The following NPFFR2 variants were observed in gnomAD, a reference collection of about 807,000 sequenced individuals.
NPFFR2 encodes G-protein coupled receptor 74.
NPFFR2 carries 15 observed loss-of-function variants against 13.1 expected under a neutral mutation model. The observed-to-expected ratio is 1.15, with a 90% CI of 0.77 to 1.76. The LOEUF is 1.76. NPFFR2 is among the 40% of genes most tolerant of loss of function. The pLI is 0.00. For synonymous variants in NPFFR2, 190 were observed against 175.7 expected (o/e 1.08, Z -0.65); for missense variants, 572 against 503.5 (o/e 1.14, Z -1.30).
chr4:72,094,740 C>T (rs953947670), intron 1 of NPFFR2, among the ~76,000 whole-genome samples: 5 of 152,156 alleles, frequency 3.3e-5, no homozygotes, highest in African/African-American at 4.8e-5. Context: ...GGTTACAAGC[C>T]TCCTAGCTGA....
intron 3 of NPFFR2, among the ~76,000 whole-genome samples, chr4:72,145,114 A>G (rs1430236504): frequency 6.6e-6 from 1 of 151,790 alleles, no homozygotes; most frequent in African/African-American, 2.4e-5. Context: ...TTATATTTCC[A>G]TTGACTTTCT....
chr4:72,045,242 T>C (rs567711263), intron 1 of NPFFR2, among the ~76,000 whole-genome samples: 6 of 152,134 alleles, frequency 3.9e-5, no homozygotes, highest in Non-Finnish European at 7.4e-5. Flanking sequence ...AAATACACAG[T>C]AGTGAGATTG....
At chr4:72,074,353 C>CAAG (rs1044160294) in intron 1 of NPFFR2, among the ~76,000 whole-genome samples, 1 of 151,952 alleles carries the variant, frequency 6.6e-6, no homozygotes, top group Non-Finnish European at 1.5e-5. Context: ...CACTTCATCA[C>CAAG]AAGAAGAAGA....
chr4:72,132,216 AT>A (rs940919488), intron 2 of NPFFR2, among the ~76,000 whole-genome samples: 1 of 151,104 alleles, frequency 6.6e-6, no homozygotes, highest in African/African-American at 2.4e-5. Context: ...CTATCTCATC[AT>A]TAGCTCCCAC....
At chr4:72,137,690 C>G (rs1455634811) in intron 2 of NPFFR2, among the ~76,000 whole-genome samples, 1 of 152,112 alleles carries the variant, frequency 6.6e-6, no homozygotes. Context: ...ATGCTCCTAA[C>G]TAGCCGTGGC....
intron 3 of NPFFR2, among the ~76,000 whole-genome samples, chr4:72,142,688 C>T (rs1722668212): frequency 6.6e-6 from 1 of 152,108 alleles, no homozygotes; most frequent in African/African-American, 2.4e-5. Flanking sequence ...TAAAATTTCC[C>T]TATTTTTCAC....
At chr4:72,054,788 A>G (rs1438088796) in intron 1 of NPFFR2, among the ~76,000 whole-genome samples, 3 of 151,920 alleles carry the variant, frequency 2.0e-5, no homozygotes, top group Admixed American at 2.0e-4. Context: ...TAACTCAATG[A>G]GAATACAAAG....
intron 1 of NPFFR2, among the ~76,000 whole-genome samples, chr4:72,110,288 C>T (rs370025319): frequency 1.3e-5 from 2 of 151,940 alleles, no homozygotes; most frequent in East Asian, 3.9e-4. Context: ...TCCCCTTTTG[C>T]GATGATTGTA....
rs1264811113 is a variant in NPFFR2, at chr4:72,147,942, C to CA, written c.*137dup. The stretch of plus-strand genomic sequence containing the variant: ...AACATTTACTGAAAGCCCTCTCTGG[C>CA]AAAAAAATTAAAAATAAACAAAAAT... On this transcript the variant is annotated 3_prime_UTR_variant, in exon 4 of 4. Transcript: ENST00000308744. 3.4e-5 allele frequency: 23 copies of CA among 672,220 alleles called. No individual in the cohort carries two copies. The highest frequency in any genetic ancestry group is 3.2e-4 in the African/African-American group (17 of 53,952). The allele number at this position is 672,220 out of a possible 1,614,324, so 41.6% of individuals were successfully genotyped here.
chr4:72,074,745 GA>G (rs891100206), intron 1 of NPFFR2, among the ~76,000 whole-genome samples: 4 of 151,812 alleles, frequency 2.6e-5, no homozygotes, highest in South Asian at 4.1e-4. Flanking sequence ...AAAATAGATG[GA>G]AAAAAACATG....
chr4:72,077,581 C>T (rs1720484876), intron 1 of NPFFR2, among the ~76,000 whole-genome samples: 1 of 152,066 alleles, frequency 6.6e-6, no homozygotes, highest in African/African-American at 2.4e-5. Context: ...TATTAATTAG[C>T]ATTCCTAAAA....
intron 2 of NPFFR2, among the ~76,000 whole-genome samples, chr4:72,132,397 A>G (rs1240778240): frequency 6.6e-6 from 1 of 152,164 alleles, no homozygotes; most frequent in East Asian, 1.9e-4. Flanking sequence ...TTCATCTACC[A>G]TTGATGGGTA....
At chr4:72,097,490 T>C (rs2109806939) in intron 1 of NPFFR2, among the ~76,000 whole-genome samples, 1 of 152,184 alleles carries the variant, frequency 6.6e-6, no homozygotes, top group Admixed American at 6.5e-5. Context: ...GAATAATGAG[T>C]TTAATAAAAT....
chr4:72,038,948 A>T (rs34715061), intron 1 of NPFFR2, among the ~76,000 whole-genome samples: 1 of 124,912 alleles, frequency 8.0e-6, no homozygotes, highest in South Asian at 2.7e-4. Flanking sequence ...TCTGTCGCCC[A>T]GGCTAGAGTG....
chr4:72,043,243 G>T (rs1719279739), intron 1 of NPFFR2, among the ~76,000 whole-genome samples: 1 of 147,258 alleles, frequency 6.8e-6, no homozygotes, highest in South Asian at 2.2e-4. Context: ...CCAGGCAGAG[G>T]TATGCTGCAG....
chr4:72,078,104 T>A (rs2109790339), intron 1 of NPFFR2, among the ~76,000 whole-genome samples: 2 of 152,214 alleles, frequency 1.3e-5, no homozygotes, highest in African/African-American at 4.8e-5. Context: ...TCTTAATGTT[T>A]GTTCCATAGT....
chr4:72,061,739 C>T (rs1719926418), intron 1 of NPFFR2, among the ~76,000 whole-genome samples: 1 of 151,968 alleles, frequency 6.6e-6, no homozygotes, highest in Admixed American at 6.6e-5. Context: ...ACAATGAGAA[C>T]ACATGGACAG....
chr4:72,071,168 T>C (rs1016882820), intron 1 of NPFFR2, among the ~76,000 whole-genome samples: 1 of 152,212 alleles, frequency 6.6e-6, no homozygotes, highest in African/African-American at 2.4e-5. Flanking sequence ...TTTTCCTTTT[T>C]TGTTAACCAA....
intron 1 of NPFFR2, among the ~76,000 whole-genome samples, chr4:72,127,351 A>ATTTT (rs1560419389): frequency 2.4e-5 from 3 of 123,382 alleles, no homozygotes; most frequent in African/African-American, 1.0e-4. Flanking sequence ...ATTCTAAATA[A>ATTTT]TTTCTTTTCT....
Sources: gnomAD v4.1 joint callset for allele counts (sites outside exome capture counted in the v4.1 genomes callset) on GRCh38, gnomAD v4.1.1 for gene constraint, MANE v1.5 for transcripts, NCBI Gene and HGNC (gene_info 2026-07-23, HGNC 2026-07-21) for gene names.